The following PCLO variants were observed in gnomAD, a reference collection of about 807,000 sequenced individuals.
PCLO encodes piccolo presynaptic cytomatrix protein, also known as protein piccolo.
In PCLO, 82 loss-of-function variants were observed where a neutral mutation model predicts 427.5. That is an observed-to-expected ratio of 0.19 (90% CI 0.16 to 0.23). PCLO has a LOEUF of 0.23. Ranked by LOEUF, PCLO falls within the 10% of genes least tolerant of loss-of-function variation. The pLI, the probability that PCLO is intolerant of heterozygous loss-of-function variation, is 1.00. For missense variants in PCLO, 6,239 were observed against 6,115.9 expected (o/e 1.02, Z -0.67); for synonymous variants, 2,357 against 2,155.4 (o/e 1.09, Z -2.59).
intron 9 of PCLO, among the ~76,000 whole-genome samples, chr7:82,897,541 T>C (rs1160309756): frequency 2.6e-5 from 4 of 151,478 alleles, no homozygotes; most frequent in East Asian, 3.9e-4. Flanking sequence ...TCCTTGACTG[T>C]TGCCTCAGTT....
chr7:82,802,855 C>T (rs183174194), intron 21 of PCLO, among the ~76,000 whole-genome samples: 35 of 152,088 alleles, frequency 2.3e-4, no homozygotes, highest in Admixed American at 2.6e-4. Context: ...GAAATGTTTC[C>T]GCACATAATA....
At chr7:82,792,911 A>G (rs1259572448) in intron 22 of PCLO, among the ~76,000 whole-genome samples, 2 of 152,126 alleles carry the variant, frequency 1.3e-5, no homozygotes, top group Non-Finnish European at 2.9e-5. Flanking sequence ...TGGAATTTAT[A>G]TTAACTTGCC....
intron 22 of PCLO, among the ~76,000 whole-genome samples, chr7:82,791,684 G>A (rs1791105087): frequency 6.6e-6 from 1 of 152,084 alleles, no homozygotes; most frequent in Non-Finnish European, 1.5e-5. Flanking sequence ...TGTAAAACTG[G>A]TTCCTTAAGG....
chr7:82,898,930 C>A (rs1051398454), intron 9 of PCLO, among the ~76,000 whole-genome samples: 9 of 151,354 alleles, frequency 5.9e-5, no homozygotes, highest in African/African-American at 2.2e-4. Flanking sequence ...GATATGATAT[C>A]ATTTGATCTG....
chr7:82,807,810 T>C (rs369568908), intron 20 of PCLO, among the ~76,000 whole-genome samples: 3 of 152,102 alleles, frequency 2.0e-5, no homozygotes, highest in South Asian at 2.1e-4. Flanking sequence ...ACATCTGATA[T>C]ACAATTGACT....
intron 3 of PCLO, among the ~76,000 whole-genome samples, chr7:82,999,223 GATAT>G (rs1218952026): frequency 7.2e-6 from 1 of 139,370 alleles, no homozygotes; most frequent in African/African-American, 2.7e-5. Flanking sequence ...AAGATATATG[GATAT>G]ATATATTATA....
At chr7:82,784,448 A>C (rs1306701696) in intron 22 of PCLO, among the ~76,000 whole-genome samples, 1 of 151,736 alleles carries the variant, frequency 6.6e-6, no homozygotes, top group African/African-American at 2.4e-5. Flanking sequence ...TATTTCCAAG[A>C]TTTTTTTTCT....
intron 6 of PCLO, among the ~76,000 whole-genome samples, chr7:82,920,252 T>C (rs1457571633): frequency 6.6e-6 from 1 of 151,674 alleles, no homozygotes; most frequent in Admixed American, 6.6e-5. Context: ...AAGATCAAAA[T>C]TGCATAAAGA....
intron 13 of PCLO, among the ~76,000 whole-genome samples, chr7:82,842,810 C>T (rs557139159): frequency 1.3e-5 from 2 of 152,118 alleles, no homozygotes; most frequent in Non-Finnish European, 2.9e-5. Flanking sequence ...AAAAAATCAA[C>T]ATCATTAATC....
chr7:83,018,881 A>G (rs1051941783), intron 3 of PCLO, among the ~76,000 whole-genome samples: 1 of 152,022 alleles, frequency 6.6e-6, no homozygotes, highest in South Asian at 2.1e-4. Flanking sequence ...TTTACACATT[A>G]CCTTCTTTTG....
intron 9 of PCLO, among the ~76,000 whole-genome samples, chr7:82,889,146 G>C (rs905671972): frequency 3.9e-5 from 6 of 152,032 alleles, no homozygotes; most frequent in Non-Finnish European, 8.8e-5. Flanking sequence ...CACAGCCTTT[G>C]GTTGTTCAGT....
chr7:82,824,124 C>T (rs1438266236), intron 19 of PCLO, 112 bp downstream of exon 19: 2 of 669,586 alleles, frequency 3.0e-6, no homozygotes, highest in Non-Finnish European at 4.9e-6. Context: ...AAGTATTTTC[C>T]AGTCGTGTCT....
At chr7:82,881,266 G>A (rs867581095) in intron 9 of PCLO, among the ~76,000 whole-genome samples, 20 of 152,102 alleles carry the variant, frequency 1.3e-4, no homozygotes, top group South Asian at 2.1e-4. Context: ...TGGCATGAAG[G>A]ACTTACAAAA....
At chr7:82,889,604 T>C (rs1244664546) in intron 9 of PCLO, among the ~76,000 whole-genome samples, 2 of 152,182 alleles carry the variant, frequency 1.3e-5, no homozygotes, top group Non-Finnish European at 2.9e-5. Context: ...CTTTTCCTTT[T>C]ACTCACTAAT....
At chr7:83,122,286 CTTTT>C (rs71074624) in intron 3 of PCLO, among the ~76,000 whole-genome samples, 38,520 of 128,358 alleles carry the variant, frequency 0.3, 3,640 homozygotes, top group East Asian at 0.42. Flanking sequence ...CTTTTCTTTT[CTTTT>C]TTTTTTTTTT....
intron 10 of PCLO, among the ~76,000 whole-genome samples, chr7:82,848,462 C>T (rs1304706116): frequency 6.6e-6 from 1 of 151,820 alleles, no homozygotes; most frequent in African/African-American, 2.4e-5. Flanking sequence ...AGGTGTGCGC[C>T]ACCACGCCTG....
In PCLO at chr7:83,030,119, G is replaced by GAA. The variant is rs199609017; in HGVS notation, c.3301-63634_3301-63633dup. Among the ~76,000 whole-genome samples, 117 of 104,596 alleles carry GAA rather than the reference G, an allele frequency of 1.1e-3. 1 individual carries two copies. Among genetic ancestry groups the GAA allele is most frequent in the South Asian group, 1.3e-3 (4 of 3,022 alleles). The allele number at this position is 104,596 out of a possible 152,430, so 68.6% of individuals were successfully genotyped here. A position where few individuals can be genotyped will look rare whatever the true frequency, so the allele number is the denominator to read the frequency against. On this transcript the variant is annotated intron_variant, in intron 3 of 24. Transcript: ENST00000333891. Reference sequence around the variant, plus strand: ...TAAAACTTAAAGTATAATAATAAAAGAAAAAAAAAAAAAAAGAAAAGAAAA... The same window carrying GAA: ...TAAAACTTAAAGTATAATAATAAAAGAAAAAAAAAAAAAAAAAGAAAAGAAAA...
At chr7:82,830,945 CTG>C (rs1312239641) in intron 16 of PCLO, among the ~76,000 whole-genome samples, 1 of 151,868 alleles carries the variant, frequency 6.6e-6, no homozygotes, top group African/African-American at 2.4e-5. Context: ...AATGCCAACT[CTG>C]TATCAGGAAT....
intron 22 of PCLO, among the ~76,000 whole-genome samples, chr7:82,786,871 G>T (rs1562785816): frequency 6.6e-6 from 1 of 152,022 alleles, no homozygotes; most frequent in Admixed American, 6.6e-5. Flanking sequence ...TTAGTTTGCT[G>T]AGAATCATGG....
Sources: gnomAD v4.1 joint callset for allele counts (sites outside exome capture counted in the v4.1 genomes callset) on GRCh38, gnomAD v4.1.1 for gene constraint, MANE v1.5 for transcripts, NCBI Gene and HGNC (gene_info 2026-07-23, HGNC 2026-07-21) for gene names.